The following PLPPR1 variants were observed in gnomAD, a reference collection of about 807,000 sequenced individuals.
PLPPR1 encodes the protein phospholipid phosphatase-related protein type 1.
PLPPR1 carries 10 observed loss-of-function variants against 33.1 expected under a neutral mutation model. The ratio of observed to expected loss-of-function variants is 0.30; its 90% confidence interval spans 0.19 to 0.51. PLPPR1 has a LOEUF of 0.51. PLPPR1 is among the 20% of genes least tolerant of loss of function. The probability of loss-of-function intolerance (pLI) is 0.97; values close to 1 mark genes in which losing one functional copy is unlikely to be tolerated. For missense variants in PLPPR1, 304 were observed against 408.1 expected, an observed-to-expected ratio of 0.74 and a Z score of 2.20; for synonymous variants, 151 against 151.0, an observed-to-expected ratio of 1.00 and a Z score of 0.00.
chr9:101,099,360 A>C (rs1336375390), intron 1 of PLPPR1, among the ~76,000 whole-genome samples: 1 of 152,162 alleles, frequency 6.6e-6, no homozygotes, highest in East Asian at 1.9e-4. Context: ...CATGTCCTAA[A>C]TATTGACTAG....
chr9:101,213,332 T>C (rs575366578), intron 2 of PLPPR1, among the ~76,000 whole-genome samples: 1 of 152,302 alleles, frequency 6.6e-6, no homozygotes, highest in African/African-American at 2.4e-5. Flanking sequence ...ATAGTTTAAG[T>C]AAGCAACCAG....
chr9:101,286,108 T>C lies in PLPPR1; in HGVS notation c.257T>C (p.Phe86Ser). The C allele has an allele frequency of 6.2e-7, 1 of 1,611,954 alleles. No homozygotes were observed. The highest frequency in any genetic ancestry group is 1.1e-5 in the South Asian group (1 of 90,922). The stretch of plus-strand genomic sequence containing the variant: ...TCTTAAACATTCCTTCCCTAGATTT[T>C]TATTGGTGAGATATCCATGTATTTC... ...VLAATPTAII[F>S]IGEISMYFIK... The change falls in exon 4 of 8, where the codon TTT becomes TCT. Residue 86 changes from phenylalanine to serine, a missense_variant. By Grantham distance (155) the Phe-to-Ser change is radical. Transcript: ENST00000374874.
chr9:101,095,640 G>A (rs1436243313), intron 1 of PLPPR1, among the ~76,000 whole-genome samples: 2 of 152,088 alleles, frequency 1.3e-5, no homozygotes, highest in African/African-American at 2.4e-5. Context: ...CCCTTTATAC[G>A]ATGAAGAAAC....
At chr9:101,119,202 A>T (rs1268283907) in intron 1 of PLPPR1, among the ~76,000 whole-genome samples, 1 of 152,210 alleles carries the variant, frequency 6.6e-6, no homozygotes, top group African/African-American at 2.4e-5. Flanking sequence ...TGAAAGGCGG[A>T]TACCTCTTCT....
intron 1 of PLPPR1, among the ~76,000 whole-genome samples, chr9:101,137,513 C>T (rs1292428955): frequency 6.6e-6 from 1 of 152,134 alleles, no homozygotes; most frequent in African/African-American, 2.4e-5. Flanking sequence ...ATGCCAGTTC[C>T]TCTGGGTGGA....
At chr9:101,093,493 G>A (rs756216879) in intron 1 of PLPPR1, among the ~76,000 whole-genome samples, 7 of 152,160 alleles carry the variant, frequency 4.6e-5, no homozygotes, top group African/African-American at 1.7e-4. Context: ...ACAGAGCTTA[G>A]AAACTTCAGA....
intron 4 of PLPPR1, among the ~76,000 whole-genome samples, chr9:101,295,154 A>G (rs1828598353): frequency 6.6e-6 from 1 of 151,762 alleles, no homozygotes; most frequent in Non-Finnish European, 1.5e-5. Flanking sequence ...TTATACACCA[A>G]TAACAGACAA....
intron 1 of PLPPR1, among the ~76,000 whole-genome samples, chr9:101,129,305 A>C (rs905773620): frequency 6.7e-6 from 1 of 148,376 alleles, no homozygotes; most frequent in African/African-American, 2.4e-5. Flanking sequence ...GTAACAGTTG[A>C]GAAACTAAAA....
intron 1 of PLPPR1, among the ~76,000 whole-genome samples, chr9:101,160,044 G>A (rs1380750329): frequency 1.3e-5 from 2 of 152,144 alleles, no homozygotes; most frequent in Non-Finnish European, 2.9e-5. Flanking sequence ...AGTGGAGTGA[G>A]AATGCTAAGT....
intron 4 of PLPPR1, among the ~76,000 whole-genome samples, chr9:101,304,041 A>T (rs1274867903): frequency 6.6e-6 from 1 of 152,148 alleles, no homozygotes; most frequent in Non-Finnish European, 1.5e-5. Context: ...GGTTTTTTTT[A>T]TTCTCACTGC....
At chr9:101,215,549 G>A (rs935030990) in intron 2 of PLPPR1, among the ~76,000 whole-genome samples, 8 of 152,188 alleles carry the variant, frequency 5.3e-5, no homozygotes, top group African/African-American at 1.9e-4. Flanking sequence ...GATTACAGGT[G>A]TGAGCCACCG....
intron 1 of PLPPR1, among the ~76,000 whole-genome samples, chr9:101,160,887 G>C (rs1414675516): frequency 6.6e-6 from 1 of 152,126 alleles, no homozygotes. Context: ...AATCACTTTA[G>C]TGTGACAAGT....
At chr9:101,078,973 T>C (rs929067815) in intron 1 of PLPPR1, among the ~76,000 whole-genome samples, 7 of 152,222 alleles carry the variant, frequency 4.6e-5, no homozygotes, top group Non-Finnish European at 8.8e-5. Context: ...CCCTTTCATG[T>C]ATGTTTTATT....
chr9:101,162,091 G>A (rs1449024691), intron 1 of PLPPR1, among the ~76,000 whole-genome samples: 2 of 137,182 alleles, frequency 1.5e-5, no homozygotes, highest in Non-Finnish European at 3.1e-5. Flanking sequence ...CTGAGCCTCA[G>A]TATCCACAAT....
At chr9:101,083,257 C>T (rs1311774424) in intron 1 of PLPPR1, among the ~76,000 whole-genome samples, 1 of 151,876 alleles carries the variant, frequency 6.6e-6, no homozygotes, top group East Asian at 2.0e-4. Context: ...CTCTGGGGTT[C>T]GAACGATTCT....
At chr9:101,155,903 G>A (rs1831678246) in intron 1 of PLPPR1, among the ~76,000 whole-genome samples, 1 of 152,112 alleles carries the variant, frequency 6.6e-6, no homozygotes, top group Admixed American at 6.6e-5. Context: ...TGGGCCGGGG[G>A]ATTAAATTTC....
intron 1 of PLPPR1, among the ~76,000 whole-genome samples, chr9:101,076,326 A>T (rs1362049148): frequency 1.3e-5 from 2 of 152,116 alleles, no homozygotes; most frequent in Non-Finnish European, 2.9e-5. Context: ...AGACTGAAAT[A>T]ATGTGACTCT....
intron 2 of PLPPR1, among the ~76,000 whole-genome samples, chr9:101,244,985 C>T (rs918787471): frequency 4.6e-5 from 7 of 151,956 alleles, no homozygotes; most frequent in African/African-American, 1.4e-4. Flanking sequence ...GAATACAATA[C>T]ACCTACTAGT....
chr9:101,322,141 T>C (rs1277904453), intron 7 of PLPPR1, among the ~76,000 whole-genome samples: 1 of 124,866 alleles, frequency 8.0e-6, no homozygotes, highest in Non-Finnish European at 1.5e-5. Context: ...TGGGTTGCAG[T>C]GAGCCGAGAT....
Sources: allele counts gnomAD v4.1 joint callset (sites outside exome capture counted in the v4.1 genomes callset), GRCh38; gene constraint gnomAD v4.1.1; transcripts MANE v1.5; gene names NCBI Gene and HGNC (gene_info 2026-07-23, HGNC 2026-07-21).